Variants in SRBD1 observed in about 807,000 individuals in gnomAD.
The protein encoded by SRBD1 is S1 RNA binding domain 1, also known as S1 RNA-binding domain-containing protein 1.
SRBD1 carries 88 observed loss-of-function variants against 115.3 expected under a neutral mutation model. The observed-to-expected ratio is 0.76, with a 90% CI of 0.64 to 0.91. The LOEUF is 0.91. Ranked by LOEUF, SRBD1 falls within the 40% of genes least tolerant of loss-of-function variation. SRBD1 has a pLI of 0.00. For missense variants in SRBD1, 1,385 were observed against 1,177.4 expected, an observed-to-expected ratio of 1.18 and a Z score of -2.58; for synonymous variants, 509 against 407.7, an observed-to-expected ratio of 1.25 and a Z score of -2.99.
At position 45,434,374 on chromosome 2, in the gene SRBD1, C is replaced by G. The variant is rs539280004; in HGVS notation, c.2050-14480G>C. 6.4e-3 allele frequency among the ~76,000 whole-genome samples: 969 copies of G among 152,260 alleles called. 19 individuals carry two copies. The highest frequency in any genetic ancestry group is 0.015 in the South Asian group (74 of 4,824). ...CTTATGTTCCCAAGACACTGTGTAACCCCTGGAATCTCCATTCACCTCACA... is the reference window on the plus strand; with the variant it reads ...CTTATGTTCCCAAGACACTGTGTAAGCCCTGGAATCTCCATTCACCTCACA... On this transcript the variant is annotated intron_variant, in intron 16 of 20. Transcript: ENST00000263736.
chr2:45,582,331 A>G (rs1673390510), intron 5 of SRBD1, among the ~76,000 whole-genome samples: 1 of 152,208 alleles, frequency 6.6e-6, no homozygotes, highest in Non-Finnish European at 1.5e-5. Flanking sequence ...TTTGGCAGAA[A>G]TATCATAGAA....
intron 9 of SRBD1, among the ~76,000 whole-genome samples, chr2:45,563,814 T>C (rs1037214217): frequency 2.6e-5 from 4 of 152,088 alleles, no homozygotes; most frequent in Non-Finnish European, 5.9e-5. Flanking sequence ...ATTTGAAAAT[T>C]TCCCACAAAT....
chr2:45,535,429 A>G (rs1240110087), intron 14 of SRBD1, among the ~76,000 whole-genome samples: 1 of 151,976 alleles, frequency 6.6e-6, no homozygotes, highest in Non-Finnish European at 1.5e-5. Context: ...CTCATCAACC[A>G]TTCCTTTATA....
intron 14 of SRBD1, among the ~76,000 whole-genome samples, chr2:45,497,816 C>T (rs1014221761): frequency 3.9e-5 from 6 of 152,080 alleles, no homozygotes; most frequent in Admixed American, 3.3e-4. Flanking sequence ...GTGGGCAGAT[C>T]ACGAGGTCAG....
At position 45,389,159 on chromosome 2, in the gene SRBD1, A is replaced by C; in HGVS notation, c.*151T>G. 2 of 935,794 alleles carry C rather than the reference A, an allele frequency of 2.1e-6. No homozygotes were observed. Among genetic ancestry groups the C allele is most frequent in the Non-Finnish European group, 1.6e-6 (1 of 640,396 alleles). 58.0% of individuals were successfully genotyped at this position (935,794 alleles called of 1,614,324 possible). A position where few individuals can be genotyped will look rare whatever the true frequency, so the allele number is the denominator to read the frequency against. On this transcript the variant is annotated 3_prime_UTR_variant, in exon 21 of 21. Transcript: ENST00000263736. ...AACTGTTGGTTTTCTATTTATTCAG[A>C]AGAAAAAATAAAGGAAAGTGTTTGG...
chr2:45,408,426 G>C (rs946731963), intron 19 of SRBD1, among the ~76,000 whole-genome samples: 4 of 152,192 alleles, frequency 2.6e-5, no homozygotes, highest in Non-Finnish European at 4.4e-5. Context: ...GAGTTGGACT[G>C]CAACAGAAGA....
At chr2:45,585,914 C>A in intron 4 of SRBD1, 140 bp from the exon 5 acceptor site, 13 of 617,628 alleles carry the variant, frequency 2.1e-5, no homozygotes, top group Admixed American at 3.8e-5. Flanking sequence ...AAAAGAAAGC[C>A]ATATAAAATA....
At chr2:45,602,211 T>TA in intron 2 of SRBD1, 128 bp from the exon 3 acceptor site, 2 of 1,077,720 alleles carry the variant, frequency 1.9e-6, no homozygotes, top group South Asian at 3.3e-5. Flanking sequence ...AGTGATTGAG[T>TA]ACAGGCTGTG....
chr2:45,443,851 A>G (rs995771107), intron 16 of SRBD1, among the ~76,000 whole-genome samples: 4 of 151,926 alleles, frequency 2.6e-5, no homozygotes, highest in Non-Finnish European at 5.9e-5. Context: ...TAGTTTTACA[A>G]AGAGTGTTGC....
At chr2:45,569,877 G>A (rs1672955741) in intron 9 of SRBD1, among the ~76,000 whole-genome samples, 1 of 152,186 alleles carries the variant, frequency 6.6e-6, no homozygotes, top group African/African-American at 2.4e-5. Context: ...ATTATACCAT[G>A]CCAAGCTATC....
chr2:45,408,454 T>G (rs899932339), intron 19 of SRBD1, among the ~76,000 whole-genome samples: 3 of 152,130 alleles, frequency 2.0e-5, no homozygotes, highest in Non-Finnish European at 4.4e-5. Flanking sequence ...CACTAAATAC[T>G]TCACAAATAC....
At chr2:45,425,421 A>G (rs920673307) in intron 16 of SRBD1, among the ~76,000 whole-genome samples, 1 of 152,164 alleles carries the variant, frequency 6.6e-6, no homozygotes, top group African/African-American at 2.4e-5. Context: ...TATGTGTACA[A>G]TCTAAATATC....
chr2:45,425,524 GC>G (rs927520067), intron 16 of SRBD1, among the ~76,000 whole-genome samples: 1 of 152,076 alleles, frequency 6.6e-6, no homozygotes, highest in Non-Finnish European at 1.5e-5. Flanking sequence ...GGGGTGGCTG[GC>G]AAGATGGCCG....
At chr2:45,390,931 A>G (rs1666979585) in intron 20 of SRBD1, among the ~76,000 whole-genome samples, 1 of 152,232 alleles carries the variant, frequency 6.6e-6, no homozygotes, top group South Asian at 2.1e-4. Flanking sequence ...TTCCAAAAGC[A>G]AGAAACCTAC....
chr2:45,468,436 G>A (rs962035794), intron 16 of SRBD1, among the ~76,000 whole-genome samples: 3 of 150,384 alleles, frequency 2.0e-5, no homozygotes, highest in African/African-American at 4.9e-5. Context: ...TGCCCTGGCT[G>A]GAGTGCAGTG....
chr2:45,488,022 A>G, intron 15 of SRBD1, among the ~76,000 whole-genome samples: 1 of 152,190 alleles, frequency 6.6e-6, no homozygotes, highest in Non-Finnish European at 1.5e-5. Context: ...TTTCCACTAT[A>G]GAACAGTAGT....
chr2:45,529,560 G>GA (rs758402535), intron 14 of SRBD1, among the ~76,000 whole-genome samples: 12 of 151,420 alleles, frequency 7.9e-5, no homozygotes, highest in East Asian at 1.9e-4. Flanking sequence ...TATTAAAATA[G>GA]AAAAAAAATC....
At chr2:45,559,569 T>G (rs940486638) in intron 10 of SRBD1, among the ~76,000 whole-genome samples, 2 of 152,060 alleles carry the variant, frequency 1.3e-5, no homozygotes, top group Non-Finnish European at 2.9e-5. Context: ...CAGGGGAATC[T>G]CCAAAATCTA....
intron 15 of SRBD1, among the ~76,000 whole-genome samples, chr2:45,484,537 T>C (rs561217594): frequency 2.0e-5 from 3 of 152,328 alleles, no homozygotes; most frequent in Admixed American, 6.5e-5. Context: ...AAAAAGATAG[T>C]TCCTCAATTG....
Sources: allele counts gnomAD v4.1 joint callset (sites outside exome capture counted in the v4.1 genomes callset), GRCh38; gene constraint gnomAD v4.1.1; transcripts MANE v1.5; gene names NCBI Gene and HGNC (gene_info 2026-07-23, HGNC 2026-07-21).